The following PDE9A variants were observed in gnomAD, a reference collection of about 807,000 sequenced individuals.
PDE9A encodes phosphodiesterase 9A, also known as high affinity cGMP-specific 3',5'-cyclic phosphodiesterase 9A.
In PDE9A, 60 loss-of-function variants were observed where a neutral mutation model predicts 87.4. The ratio of observed to expected loss-of-function variants is 0.69; its 90% CI spans 0.56 to 0.85. The LOEUF (loss-of-function observed/expected upper bound fraction) is 0.85, where lower values mean the gene tolerates loss of function less well. Among genes scored for constraint, PDE9A ranks in the 40% least tolerant of loss-of-function variants. The probability of loss-of-function intolerance (pLI) is 0.00; values close to 1 mark genes in which losing one functional copy is unlikely to be tolerated. For synonymous variants in PDE9A, 272 were observed against 279.4 expected, an observed-to-expected ratio of 0.97 and a Z score of 0.27; for missense variants, 665 against 779.0, an observed-to-expected ratio of 0.85 and a Z score of 1.74.
At chr21:42,669,355 G>A (rs958378556) in intron 1 of PDE9A, among the ~76,000 whole-genome samples, 2 of 152,056 alleles carry the variant, frequency 1.3e-5, no homozygotes, top group African/African-American at 4.8e-5. Flanking sequence ...TGACATCCCC[G>A]CCTCCCCTGC....
At chr21:42,730,538 A>C (rs2051619380) in intron 4 of PDE9A, among the ~76,000 whole-genome samples, 1 of 152,258 alleles carries the variant, frequency 6.6e-6, no homozygotes, top group Non-Finnish European at 1.5e-5. Flanking sequence ...AATAAAATTT[A>C]TATAAAACTT....
At chr21:42,668,732 C>G (rs2058181837) in intron 1 of PDE9A, among the ~76,000 whole-genome samples, 2 of 152,240 alleles carry the variant, frequency 1.3e-5, no homozygotes, top group Non-Finnish European at 1.5e-5. Context: ...GGGATCCGCG[C>G]AGATGCCGGC....
At chr21:42,767,748 C>T (rs1289327132) in intron 15 of PDE9A, among the ~76,000 whole-genome samples, 2 of 152,220 alleles carry the variant, frequency 1.3e-5, no homozygotes, top group Non-Finnish European at 2.9e-5. Flanking sequence ...CACCTCTTGT[C>T]CTATGGCGAC....
intron 4 of PDE9A, among the ~76,000 whole-genome samples, chr21:42,708,823 T>C (rs975393810): frequency 3.9e-5 from 6 of 152,214 alleles, no homozygotes; most frequent in African/African-American, 7.2e-5. Context: ...CCCAAAGTGC[T>C]GGGATTACAG....
chr21:42,739,313 G>A lies in PDE9A; in HGVS notation c.569-4463G>A, dbSNP rs1425013476. ...GCCCCCCGCCCCACAGGACTGGCCC[G>A]CTCCTCCCTCTGGATTGAGGTGGAG... is the stretch of plus-strand genomic sequence containing the variant. On this transcript the variant is annotated intron_variant, in intron 7 of 19. Coordinates refer to ENST00000291539, the MANE Select transcript of PDE9A (RefSeq NM_002606.3). This position sits in a 1 kb window ranked among gnomAD's most constrained non-coding sequence, Gnocchi z 4.1. 1.3e-5 allele frequency among the ~76,000 whole-genome samples: 2 copies of A among 152,170 alleles called. No individual in the cohort carries two copies. The highest frequency in any genetic ancestry group is 2.9e-5 in the Non-Finnish European group (2 of 68,018).
chr21:42,730,022 C>T (rs1334134140), intron 4 of PDE9A, among the ~76,000 whole-genome samples: 2 of 152,186 alleles, frequency 1.3e-5, no homozygotes, highest in Non-Finnish European at 2.9e-5. Context: ...ATTTGATGGA[C>T]TTCTAAATTT....
chr21:42,732,167 A>C (rs1244422542), intron 6 of PDE9A, 43 bp downstream of exon 6: 1 of 1,578,012 alleles, frequency 6.3e-7, no homozygotes, highest in South Asian at 1.1e-5. Flanking sequence ...AGATGGGCAC[A>C]TCTTTCTCTA....
chr21:42,699,619 G>A (rs569901163), intron 4 of PDE9A, among the ~76,000 whole-genome samples: 1 of 151,146 alleles, frequency 6.6e-6, no homozygotes, highest in African/African-American at 2.4e-5. Flanking sequence ...GCAGTGGCAC[G>A]ATCTCGGCTC....
chr21:42,685,158 T>A (rs1243438221), intron 1 of PDE9A, among the ~76,000 whole-genome samples: 1 of 152,178 alleles, frequency 6.6e-6, no homozygotes, highest in Non-Finnish European at 1.5e-5. Flanking sequence ...CGTGGCCCGT[T>A]CCGCGCTCTG....
chr21:42,761,145 G>T (rs1273021896), intron 13 of PDE9A, among the ~76,000 whole-genome samples: 1 of 152,372 alleles, frequency 6.6e-6, no homozygotes, highest in South Asian at 2.1e-4. Flanking sequence ...TCCCACTCCT[G>T]TGCGGGCCTG....
chr21:42,699,781 A>G (rs1375981170), intron 4 of PDE9A, among the ~76,000 whole-genome samples: 1 of 151,162 alleles, frequency 6.6e-6, no homozygotes, highest in Non-Finnish European at 1.5e-5. Flanking sequence ...CTGGTCTCGA[A>G]CTCCTGACCT....
chr21:42,749,521 A>T (rs912932887), intron 8 of PDE9A, among the ~76,000 whole-genome samples: 1 of 152,236 alleles, frequency 6.6e-6, no homozygotes, highest in Non-Finnish European at 1.5e-5. Flanking sequence ...CACACTGCCC[A>T]ACCGGAAGGT....
chr21:42,665,873 C>T (rs922758064), intron 1 of PDE9A, among the ~76,000 whole-genome samples: 2 of 152,182 alleles, frequency 1.3e-5, no homozygotes, highest in South Asian at 2.1e-4. Context: ...GCTTCTCCCG[C>T]GTGGCTCCAC....
In PDE9A at chr21:42,739,125, T is replaced by A. The variant is rs1438939954; in HGVS notation, c.569-4651T>A. Reference sequence around the variant, plus strand: ...CTGGGCTCCCAGCCCCCTAGCAGGGTCCAGTGGGCCAGGGAGCCTCTGCTT... The same window carrying A: ...CTGGGCTCCCAGCCCCCTAGCAGGGACCAGTGGGCCAGGGAGCCTCTGCTT... On this transcript the variant is annotated intron_variant, in intron 7 of 19. Transcript: ENST00000291539. The surrounding 1 kb of genome is among the most constrained non-coding windows in gnomAD (Gnocchi z 4.1). 2.0e-5 allele frequency among the ~76,000 whole-genome samples: 3 copies of A among 152,134 alleles called. No individual in the cohort carries two copies.
intron 1 of PDE9A, among the ~76,000 whole-genome samples, chr21:42,677,310 A>C (rs1257798820): frequency 6.6e-6 from 1 of 152,254 alleles, no homozygotes; most frequent in Non-Finnish European, 1.5e-5. Flanking sequence ...CAATGAACAT[A>C]ATTGCATGTT....
intron 8 of PDE9A, among the ~76,000 whole-genome samples, chr21:42,745,178 A>G (rs2053710960): frequency 6.6e-6 from 1 of 152,180 alleles, no homozygotes; most frequent in African/African-American, 2.4e-5. Flanking sequence ...AGGTGAAGGG[A>G]AAGCCGACGG....
intron 1 of PDE9A, among the ~76,000 whole-genome samples, chr21:42,682,990 T>C (rs1012279238): frequency 7.2e-5 from 11 of 152,158 alleles, no homozygotes; most frequent in Admixed American, 6.6e-4. Flanking sequence ...CAGATATCAC[T>C]TAAGAATTAC....
At chr21:42,699,979 T>C (rs971103058) in intron 4 of PDE9A, among the ~76,000 whole-genome samples, 12 of 152,172 alleles carry the variant, frequency 7.9e-5, no homozygotes, top group African/African-American at 2.9e-4. Context: ...CTTGTAACCA[T>C]CACCAAAATC....
chr21:42,688,939 G>A (rs1028909296), intron 3 of PDE9A, among the ~76,000 whole-genome samples: 12 of 151,942 alleles, frequency 7.9e-5, no homozygotes, highest in East Asian at 1.9e-4. Context: ...CCCAGTGGAC[G>A]TGGCCAGTGC....
Sources: allele counts gnomAD v4.1 joint callset (sites outside exome capture counted in the v4.1 genomes callset), GRCh38; gene constraint gnomAD v4.1.1; non-coding constraint Gnocchi (gnomAD v3.1); transcripts MANE v1.5; gene names NCBI Gene and HGNC (gene_info 2026-07-23, HGNC 2026-07-21).